Variants in GNA14 observed in about 807,000 individuals in gnomAD.
The protein encoded by GNA14 is guanine nucleotide-binding protein subunit alpha-14.
A neutral mutation model predicts 42.0 loss-of-function variants in GNA14; 50 were observed. That is an observed-to-expected ratio of 1.19 (90% CI 0.95 to 1.51). GNA14 has a LOEUF of 1.51. Ranked by LOEUF, GNA14 falls within the 40% of genes most tolerant of loss-of-function variation. The probability of loss-of-function intolerance (pLI) is 0.00; values close to 1 mark genes in which losing one functional copy is unlikely to be tolerated. For synonymous variants in GNA14, 173 were observed against 163.1 expected, an observed-to-expected ratio of 1.06 and a Z score of -0.46; for missense variants, 473 against 446.2, an observed-to-expected ratio of 1.06 and a Z score of -0.54.
intron 2 of GNA14, among the ~76,000 whole-genome samples, chr9:77,477,829 A>T (rs1256702505): frequency 6.6e-6 from 1 of 152,190 alleles, no homozygotes; most frequent in African/African-American, 2.4e-5. Context: ...ATTGGAGAAC[A>T]AAGAGAACAT....
At position 77,488,784 on chromosome 9, in the gene GNA14, TAAA is replaced by T. The variant is rs67416479; in HGVS notation, c.309+40282_309+40284del. Reference sequence around the variant, plus strand: ...GACTCTTTAAGCAAACACACCTAATTAAAAAAAAAAAAAAAAAAAAAAAAACAG... The same window carrying T: ...GACTCTTTAAGCAAACACACCTAATTAAAAAAAAAAAAAAAAAAAAAACAG... On this transcript the variant is annotated intron_variant, in intron 2 of 6. Transcript: ENST00000341700. 4.1e-3 allele frequency among the ~76,000 whole-genome samples: 222 copies of T among 53,700 alleles called. 2 individuals carry two copies. The highest frequency in any genetic ancestry group is 0.04 in the South Asian group (54 of 1,350). The allele number at this position is 53,700 out of a possible 152,430, so 35.2% of individuals were successfully genotyped here. A position where few individuals can be genotyped will look rare whatever the true frequency, so the allele number is the denominator to read the frequency against.
At chr9:77,516,137 G>A (rs1276139605) in intron 2 of GNA14, among the ~76,000 whole-genome samples, 1 of 152,006 alleles carries the variant, frequency 6.6e-6, no homozygotes, top group Non-Finnish European at 1.5e-5. Flanking sequence ...TCCTTCACAA[G>A]GCAATGGACC....
intron 2 of GNA14, among the ~76,000 whole-genome samples, chr9:77,484,462 T>C (rs1033146526): frequency 6.6e-6 from 1 of 150,936 alleles, no homozygotes; most frequent in Non-Finnish European, 1.5e-5. Flanking sequence ...CACAAATTGT[T>C]ATATAACAAT....
chr9:77,616,743 C>T (rs1005875007), intron 1 of GNA14, among the ~76,000 whole-genome samples: 4 of 152,316 alleles, frequency 2.6e-5, no homozygotes, highest in African/African-American at 9.6e-5. Flanking sequence ...TCAAAAAGGC[C>T]TCATCCTTAT....
intron 2 of GNA14, among the ~76,000 whole-genome samples, chr9:77,493,068 A>G (rs1836812505): frequency 6.9e-6 from 1 of 144,336 alleles, no homozygotes; most frequent in African/African-American, 2.6e-5. Context: ...TCAGAGGAAC[A>G]TGGCAGCAGT....
intron 2 of GNA14, among the ~76,000 whole-genome samples, chr9:77,491,590 G>T (rs1015705547): frequency 2.0e-5 from 3 of 152,118 alleles, no homozygotes; most frequent in Admixed American, 1.3e-4. Context: ...TGATAAAGGG[G>T]TCAATTTGGC....
At chr9:77,628,453 A>C (rs1587853682) in intron 1 of GNA14, among the ~76,000 whole-genome samples, 1 of 152,220 alleles carries the variant, frequency 6.6e-6, no homozygotes, top group African/African-American at 2.4e-5. Context: ...AAAAAGAACA[A>C]AGCTGGAGGC....
At chr9:77,469,928 A>G (rs1433292180) in intron 2 of GNA14, among the ~76,000 whole-genome samples, 1 of 152,242 alleles carries the variant, frequency 6.6e-6, no homozygotes, top group African/African-American at 2.4e-5. Flanking sequence ...ACACGTGCAT[A>G]CATAATTTTG....
Position 77,427,698 on chromosome 9 carries a change from T to G in GNA14, c.723+1209A>C, listed in dbSNP as rs955368537. Among the ~76,000 whole-genome samples the G allele has an allele frequency of 2.4e-5, 3 of 124,458 alleles. No homozygotes were observed. The East Asian group carries it at 6.0e-4, about 25-fold the overall frequency. 81.6% of individuals were successfully genotyped at this position (124,458 alleles called of 152,430 possible). The stretch of plus-strand genomic sequence containing the variant: ...TCTTCACTCTCAGGGCAGCTCCCAC[T>G]GATGGAATTGGAAGCAGCCAGTGCT... On this transcript the variant is annotated intron_variant, in intron 5 of 6. Transcript: ENST00000341700.
intron 1 of GNA14, among the ~76,000 whole-genome samples, chr9:77,556,822 T>A (rs1232923952): frequency 2.0e-5 from 3 of 152,226 alleles, no homozygotes; most frequent in African/African-American, 7.2e-5. Context: ...CAGTTAAGAA[T>A]GTATCTTTGG....
intron 1 of GNA14, among the ~76,000 whole-genome samples, chr9:77,566,705 C>T (rs566806887): frequency 1.1e-4 from 16 of 152,182 alleles, no homozygotes; most frequent in Admixed American, 9.8e-4. Context: ...CAATACAACT[C>T]TAAGTCCTAG....
At chr9:77,449,914 C>T (rs577383810) in intron 2 of GNA14, among the ~76,000 whole-genome samples, 1 of 152,292 alleles carries the variant, frequency 6.6e-6, no homozygotes, top group South Asian at 2.1e-4. Context: ...CTGTGTGTGC[C>T]TCACAGTGAC....
At chr9:77,543,202 G>A (rs777684076) in intron 1 of GNA14, among the ~76,000 whole-genome samples, 10 of 152,246 alleles carry the variant, frequency 6.6e-5, no homozygotes, top group Non-Finnish European at 1.3e-4. Context: ...ATAGTCCTTT[G>A]AGGATTGTGC....
chr9:77,459,215 G>A lies in GNA14; in HGVS notation c.310-24693C>T, dbSNP rs988731959. ...CACATCACTGCCCTCCAGCCTGGGC[G>A]ACAGAGTGAGACCCAGTCTCAGGGA... is the stretch of plus-strand genomic sequence containing the variant. On this transcript the variant is annotated intron_variant, in intron 2 of 6. Coordinates refer to ENST00000341700, the MANE Select transcript of GNA14 (RefSeq NM_004297.4). Among the ~76,000 whole-genome samples, 5 of 150,948 alleles carry A rather than the reference G, an allele frequency of 3.3e-5. No individual in the cohort carries two copies. In the East Asian group the frequency reaches 7.8e-4, roughly 24 times the overall value.
chr9:77,434,557 A>C (rs1242903625), intron 2 of GNA14, 35 bp from the exon 3 acceptor site: 2 of 1,591,348 alleles, frequency 1.3e-6, no homozygotes, highest in Non-Finnish European at 1.7e-6. Context: ...CATCAGGCAA[A>C]GGAAAGGAAG....
At chr9:77,555,895 T>A (rs1822768579) in intron 1 of GNA14, among the ~76,000 whole-genome samples, 1 of 152,174 alleles carries the variant, frequency 6.6e-6, no homozygotes. Context: ...AATAAATACC[T>A]GAATATAGGT....
At chr9:77,556,744 A>G (rs1441724862) in intron 1 of GNA14, among the ~76,000 whole-genome samples, 3 of 152,022 alleles carry the variant, frequency 2.0e-5, no homozygotes, top group Non-Finnish European at 2.9e-5. Context: ...ACCCCCAGAC[A>G]CACACACATC....
chr9:77,513,579 T>C (rs1837203391), intron 2 of GNA14, among the ~76,000 whole-genome samples: 1 of 152,218 alleles, frequency 6.6e-6, no homozygotes, highest in African/African-American at 2.4e-5. Flanking sequence ...GATGGGTCTA[T>C]GACACAGGGG....
At chr9:77,479,378 C>G (rs1457731079) in intron 2 of GNA14, among the ~76,000 whole-genome samples, 2 of 152,058 alleles carry the variant, frequency 1.3e-5, no homozygotes, top group African/African-American at 4.8e-5. Context: ...TTCCATTGAT[C>G]TATATCTCTG....
Sources: gnomAD v4.1 joint callset for allele counts (sites outside exome capture counted in the v4.1 genomes callset) on GRCh38, gnomAD v4.1.1 for gene constraint, MANE v1.5 for transcripts, NCBI Gene and HGNC (gene_info 2026-07-23, HGNC 2026-07-21) for gene names.